The following MINDY4 variants were observed in gnomAD, a reference collection of about 807,000 sequenced individuals.
MINDY4 encodes the protein MINDY lysine 48 deubiquitinase 4.
In MINDY4, 68 loss-of-function variants were observed where a neutral mutation model predicts 87.0. That is an observed-to-expected ratio of 0.78 (90% CI 0.64 to 0.96). The LOEUF (loss-of-function observed/expected upper bound fraction) is 0.96. Among genes scored for constraint, MINDY4 ranks in the 40% least tolerant of loss-of-function variants. The pLI is 0.00. For missense variants in MINDY4, 919 were observed against 928.2 expected, an observed-to-expected ratio of 0.99 and a Z score of 0.13; for synonymous variants, 379 against 363.2, an observed-to-expected ratio of 1.04 and a Z score of -0.50.
intron 10 of MINDY4, among the ~76,000 whole-genome samples, 197 bp from the exon 11 acceptor site, chr7:30,852,019 C>A (rs1427849261): frequency 2.6e-5 from 4 of 151,664 alleles, no homozygotes; most frequent in South Asian, 2.1e-4. Flanking sequence ...TCTTTTAAAT[C>A]CTGCTATTGG....
intron 6 of MINDY4, among the ~76,000 whole-genome samples, chr7:30,829,072 T>C (rs1205834211): frequency 1.3e-5 from 2 of 152,112 alleles, no homozygotes; most frequent in African/African-American, 2.4e-5. Flanking sequence ...CAGTTCTCAT[T>C]CAAAGTATCA....
At chr7:30,889,507 G>A (rs1387849132) in intron 17 of MINDY4, among the ~76,000 whole-genome samples, 1 of 152,186 alleles carries the variant, frequency 6.6e-6, no homozygotes, top group Admixed American at 6.5e-5. Flanking sequence ...TCACTGCCGA[G>A]GAGAAGTCTG....
At chr7:30,869,694 C>T (rs1790044231) in intron 13 of MINDY4, among the ~76,000 whole-genome samples, 1 of 152,152 alleles carries the variant, frequency 6.6e-6, no homozygotes, top group African/African-American at 2.4e-5. Context: ...TTAAGTTAGT[C>T]ACCCCTTGAA....
intron 14 of MINDY4, 131 bp from the exon 15 acceptor site, chr7:30,875,364 T>A: frequency 9.7e-7 from 1 of 1,030,576 alleles, no homozygotes; most frequent in African/African-American, 1.6e-5. Flanking sequence ...CACAGCCTCC[T>A]CTGCTCTCAG....
At position 30,891,879 on chromosome 7, in the gene MINDY4, G is replaced by A. The variant is rs913250000; in HGVS notation, c.2226-78G>A. On this transcript the variant is annotated intron_variant, in intron 17 of 17. Coordinates refer to ENST00000265299, the MANE Select transcript of MINDY4 (RefSeq NM_032222.3). The stretch of plus-strand genomic sequence containing the variant: ...GCCTCCAAGACAAAACCTTCAGGAA[G>A]TGGAGGCAAGAGATGGGCTCTCATC... 4 of 1,436,168 alleles carry A rather than the reference G, an allele frequency of 2.8e-6. No homozygotes were observed. In the Admixed American group the frequency reaches 6.7e-5, roughly 24 times the overall value. 89.0% of individuals were successfully genotyped at this position (1,436,168 alleles called of 1,614,324 possible). A position where few individuals can be genotyped will look rare whatever the true frequency, so the allele number is the denominator to read the frequency against.
At position 30,882,255 on chromosome 7, in the gene MINDY4, T is replaced by C. The variant is rs762217591; in HGVS notation, c.2046T>C (p.Phe682=). The C allele has an allele frequency of 5.0e-6, 8 of 1,613,838 alleles. No individual in the cohort carries two copies. Among genetic ancestry groups the C allele is most frequent in the South Asian group, 4.4e-5 (4 of 91,072 alleles). Residue 682 remains phenylalanine, a synonymous_variant, in exon 16 of 18, where the codon TTT becomes TTC. Coordinates refer to ENST00000265299, the MANE Select transcript of MINDY4 (RefSeq NM_032222.3). ...GTGAGAGCCACTTCAGCATCCTCTT[T>C]AGCCTGCAGCCGGGGCTCCTGCGTG... ...VCSESHFSIL[F]SLQPGLLRDW...
chr7:30,782,354 G>A (rs1030539476), intron 3 of MINDY4, 142 bp downstream of exon 3: 155 of 650,328 alleles, frequency 2.4e-4, no homozygotes, highest in Non-Finnish European at 3.6e-4. Context: ...GTGTGTGTGT[G>A]TGTGTGTGTG....
At chr7:30,886,621 G>A (rs1292093403) in intron 17 of MINDY4, among the ~76,000 whole-genome samples, 1 of 152,224 alleles carries the variant, frequency 6.6e-6, no homozygotes, top group African/African-American at 2.4e-5. Flanking sequence ...CCAGCCCATT[G>A]GAAGGTCACT....
chr7:30,774,411 T>G (rs1213863142), intron 1 of MINDY4, among the ~76,000 whole-genome samples: 1 of 152,170 alleles, frequency 6.6e-6, no homozygotes, highest in Non-Finnish European at 1.5e-5. Context: ...TCCTGCACCA[T>G]GCATTTCCCT....
chr7:30,834,838 T>C (rs1375225111), intron 6 of MINDY4, among the ~76,000 whole-genome samples: 2 of 152,212 alleles, frequency 1.3e-5, no homozygotes, highest in African/African-American at 4.8e-5. Context: ...GGCAAAATGC[T>C]GCCAATCTCT....
intron 3 of MINDY4, among the ~76,000 whole-genome samples, chr7:30,785,269 GACACACACACACAC>G (rs3138796): frequency 3.6e-5 from 5 of 138,602 alleles, no homozygotes; most frequent in South Asian, 2.3e-4. Flanking sequence ...CTCTCTCTCT[GACACACACACACAC>G]ACACACACAC....
At chr7:30,805,717 T>C (rs1327906799) in intron 5 of MINDY4, among the ~76,000 whole-genome samples, 1 of 152,130 alleles carries the variant, frequency 6.6e-6, no homozygotes, top group African/African-American at 2.4e-5. Context: ...GAAAGTCAAC[T>C]GTCGTGTATT....
At chr7:30,841,763 A>G (rs948958881) in intron 9 of MINDY4, among the ~76,000 whole-genome samples, 5 of 152,250 alleles carry the variant, frequency 3.3e-5, no homozygotes, top group Non-Finnish European at 5.9e-5. Flanking sequence ...AAATATTTCT[A>G]GTACTCCAGA....
At chr7:30,841,198 TC>T (rs1789025228) in intron 9 of MINDY4, among the ~76,000 whole-genome samples, 2 of 152,046 alleles carry the variant, frequency 1.3e-5, no homozygotes, top group Admixed American at 1.3e-4. Flanking sequence ...GGGCCTCCCT[TC>T]CCTCCCCACG....
intron 9 of MINDY4, among the ~76,000 whole-genome samples, chr7:30,848,673 C>T (rs751544437): frequency 9.9e-5 from 15 of 152,162 alleles, no homozygotes; most frequent in Non-Finnish European, 1.8e-4. Flanking sequence ...CTGGGGCATC[C>T]GGTTCGGTGA....
intron 3 of MINDY4, among the ~76,000 whole-genome samples, chr7:30,785,300 A>ACACACC (rs1491038680): frequency 1.2e-4 from 15 of 122,112 alleles, no homozygotes; most frequent in African/African-American, 3.7e-4. Flanking sequence ...ACACACACAC[A>ACACACC]CCCATTGGCA....
intron 9 of MINDY4, among the ~76,000 whole-genome samples, chr7:30,849,421 G>A (rs960930671): frequency 6.6e-6 from 1 of 152,166 alleles, no homozygotes; most frequent in Non-Finnish European, 1.5e-5. Context: ...ACACCTCGAA[G>A]GAGTCCTGGG....
chr7:30,859,387 C>A, intron 13 of MINDY4, 63 bp downstream of exon 13: 1 of 1,465,502 alleles, frequency 6.8e-7, no homozygotes, highest in Non-Finnish European at 9.5e-7. Flanking sequence ...ACTGCTGCCT[C>A]GCTAGAGCCC....
intron 7 of MINDY4, among the ~76,000 whole-genome samples, chr7:30,837,717 G>A (rs1420026152): frequency 1.3e-5 from 2 of 152,176 alleles, no homozygotes; most frequent in Non-Finnish European, 2.9e-5. Flanking sequence ...AGACTATGCA[G>A]CAGTAGCGTC....
Sources: gnomAD v4.1 joint callset for allele counts (sites outside exome capture counted in the v4.1 genomes callset) on GRCh38, gnomAD v4.1.1 for gene constraint, MANE v1.5 for transcripts, NCBI Gene and HGNC (gene_info 2026-07-23, HGNC 2026-07-21) for gene names.